The following PRMT2 variants were observed in gnomAD, a reference collection of about 807,000 sequenced individuals.
PRMT2 encodes protein arginine methyltransferase 2.
Under a neutral mutation model 57.6 loss-of-function variants are expected in PRMT2, and 26 were observed. The ratio of observed to expected loss-of-function variants is 0.45; its 90% confidence interval spans 0.33 to 0.63. The LOEUF (loss-of-function observed/expected upper bound fraction) is 0.63, where lower values mean the gene tolerates loss of function less well. PRMT2 is among the 20% of genes least tolerant of loss of function. The pLI is 0.02. For missense variants in PRMT2, 472 were observed against 564.4 expected (o/e 0.84, Z 1.66); for synonymous variants, 219 against 220.0 (o/e 1.00, Z 0.04).
chr21:46,660,246 T>A, intron 8 of PRMT2: 1 of 829,732 alleles, frequency 1.2e-6, no homozygotes, highest in Non-Finnish European at 1.5e-6. Context: ...TGGCAAACGG[T>A]GACATGCAGG....
intron 7 of PRMT2, among the ~76,000 whole-genome samples, chr21:46,656,375 T>C (rs1225637242): frequency 1.3e-5 from 2 of 152,166 alleles, no homozygotes. Context: ...AACACAAAAA[T>C]GGACTAAGAG....
intron 7 of PRMT2, chr21:46,651,691 A>C: frequency 9.2e-5 from 111 of 1,200,692 alleles, no homozygotes; most frequent in Middle Eastern, 5.5e-4. Flanking sequence ...CGGGGCTGCA[A>C]GAGTTCCTAT....
chr21:46,657,167 G>A lies in PRMT2; in HGVS notation c.655-1578G>A, dbSNP rs546074831. ...AAAAAATCTGATAGTAATACCAACT[G>A]TCATCGAGGATGAGGAACAGCTGAA... On this transcript the variant is annotated intron_variant, in intron 7 of 11. Transcript: ENST00000355680. 2.0e-5 allele frequency: 3 copies of A among 152,284 alleles called. No individual in the cohort carries two copies. The East Asian group carries it at 5.8e-4, about 29-fold the overall frequency. The allele number at this position is 152,284 out of a possible 1,614,324, so 9.4% of individuals were successfully genotyped here.
intron 8 of PRMT2, chr21:46,660,012 G>C: frequency 1.0e-6 from 1 of 984,060 alleles, no homozygotes; most frequent in Non-Finnish European, 1.2e-6. Flanking sequence ...TGCTAAGACA[G>C]GCATATGGGG....
intron 8 of PRMT2, chr21:46,659,327 GAGC>G (rs2061586547): frequency 2.0e-6 from 2 of 991,304 alleles, no homozygotes; most frequent in Non-Finnish European, 2.4e-6. Context: ...GTGGAGAAAT[GAGC>G]AGCAACAATG....
Position 46,663,365 on chromosome 21 carries a change from C to T in PRMT2, c.1098-18C>T, listed in dbSNP as rs751157302. On this transcript the variant is annotated intron_variant, in intron 10 of 11. Coordinates refer to ENST00000355680, the MANE Select transcript of PRMT2 (RefSeq NM_206962.4). ...GCCCTAGCTCAGCCTCCAGGTCACACGCACCCCTGTCTTGCAGCACCACAC... is the reference window on the plus strand; with the variant it reads ...GCCCTAGCTCAGCCTCCAGGTCACATGCACCCCTGTCTTGCAGCACCACAC... 1.2e-5 allele frequency: 20 copies of T among 1,600,062 alleles called. No individual in the cohort carries two copies. Among genetic ancestry groups the T allele is most frequent in the South Asian group, 3.3e-5 (3 of 90,094 alleles).
chr21:46,654,740 C>A, intron 7 of PRMT2: 1 of 176,584 alleles, frequency 5.7e-6, no homozygotes, highest in Non-Finnish European at 1.1e-5. Flanking sequence ...GATTTAAAGT[C>A]TGTCGGAGGA....
At chr21:46,651,509 G>A (rs2061450535) in intron 7 of PRMT2, among the ~76,000 whole-genome samples, 1 of 152,084 alleles carries the variant, frequency 6.6e-6, no homozygotes, top group African/African-American at 2.4e-5. Context: ...GGAGTGCTGG[G>A]GTGAGTCAGA....
intron 8 of PRMT2, chr21:46,659,279 C>T (rs190742941): frequency 1.8e-5 from 18 of 1,016,806 alleles, no homozygotes; most frequent in East Asian, 1.0e-4. Context: ...TCAGCGTCAG[C>T]GACAGACATC....
intron 7 of PRMT2, chr21:46,652,166 T>G: frequency 7.0e-7 from 1 of 1,431,526 alleles, no homozygotes; most frequent in Non-Finnish European, 9.1e-7. Context: ...CACCATCTGC[T>G]AAAATAAACC....
intron 7 of PRMT2, among the ~76,000 whole-genome samples, chr21:46,651,272 G>A (rs550181704): frequency 5.3e-5 from 8 of 152,312 alleles, no homozygotes; most frequent in South Asian, 2.1e-4. Flanking sequence ...GGGGCCTGGC[G>A]TGAGCAGGAC....
intron 7 of PRMT2, chr21:46,651,788 T>G: frequency 6.2e-7 from 1 of 1,612,710 alleles, no homozygotes; most frequent in Non-Finnish European, 8.5e-7. Flanking sequence ...TGTACCCACC[T>G]TCACTTTCCG....
intron 10 of PRMT2, 87 bp from the exon 11 acceptor site, chr21:46,663,296 C>T: frequency 1.5e-6 from 2 of 1,364,284 alleles, no homozygotes; most frequent in Non-Finnish European, 1.0e-6. Context: ...GGGGCGAGAG[C>T]CAGTGCGAGC....
chr21:46,663,507 G>A lies in PRMT2; in HGVS notation c.1222G>A (p.Ala408Thr), dbSNP rs140169346. ...NPVWRRHMSV[A>T]LSWAVTSRQD... ...AGTGTGGAGAAGGCACATGTCTGTG[G>A]CTCTGAGCTGGGCTGTCACTTCCAG... Residue 408 changes from alanine (A) to threonine (T), a missense_variant, in exon 11 of 12, where the codon GCT (alanine) becomes ACT (threonine). Physicochemically the swap from Ala to Thr is moderately conservative, Grantham distance 58. Transcript: ENST00000355680. The A allele has an allele frequency of 7.4e-6, 12 of 1,614,066 alleles. No individual in the cohort carries two copies. In the African/African-American group the frequency reaches 1.5e-4, roughly 20 times the overall value.
chr21:46,638,747 T>G (rs2061218876), intron 3 of PRMT2, among the ~76,000 whole-genome samples: 1 of 152,250 alleles, frequency 6.6e-6, no homozygotes, highest in African/African-American at 2.4e-5. Context: ...CACCCTCCAT[T>G]ATAGAAGAGA....
Position 46,653,379 on chromosome 21 carries a change from T to C in PRMT2, c.654+3640T>C, listed in dbSNP as rs554188204. On this transcript the variant is annotated intron_variant, in intron 7 of 11. Transcript: ENST00000355680. ...GACTTCGGATGTATTTAAGGCTGTT[T>C]GCACATATTTATAGAATGTGTGGTG... The C allele has an allele frequency of 8.5e-5, 84 of 985,450 alleles. 1 individual carries two copies. The South Asian group carries it at 3.0e-3, about 35-fold the overall frequency. The allele number at this position is 985,450 out of a possible 1,614,324, so 61.0% of individuals were successfully genotyped here.
In PRMT2 at chr21:46,644,506, C is replaced by T; in HGVS notation, c.327+18C>T. ...GAACTCTGGTATTGCTTTCTAAATT[C>T]CCTGTTCAGCTGGCCAGGCGGTGGG... On this transcript the variant is annotated intron_variant, in intron 5 of 11. Transcript: ENST00000355680. The T allele has an allele frequency of 6.4e-7, 1 of 1,562,166 alleles. No individual in the cohort carries two copies. The highest frequency in any genetic ancestry group is 1.4e-5 in the African/African-American group (1 of 72,206).
rs1007460204 is a variant in PRMT2, at chr21:46,648,365, G to A, written c.328-93G>A. The A allele has an allele frequency of 3.5e-5, 49 of 1,399,128 alleles. No individual in the cohort carries two copies. The Middle Eastern group carries it at 7.6e-4, about 22-fold the overall frequency. The allele number at this position is 1,399,128 out of a possible 1,614,324, so 86.7% of individuals were successfully genotyped here. On this transcript the variant is annotated intron_variant, in intron 5 of 11. Transcript: ENST00000355680. This position sits in a 1 kb window ranked among gnomAD's most constrained non-coding sequence, Gnocchi z 4.8. Reference sequence around the variant, plus strand: ...TTCCATAGGGGTGTTGGGGTCAGGGGTCATCAGCTGTGGCTCTGACCCTCC... The same window carrying A: ...TTCCATAGGGGTGTTGGGGTCAGGGATCATCAGCTGTGGCTCTGACCCTCC...
chr21:46,637,866 A>G (rs2061203166), intron 3 of PRMT2, among the ~76,000 whole-genome samples: 2 of 152,122 alleles, frequency 1.3e-5, no homozygotes, highest in African/African-American at 4.8e-5. Context: ...AAGCAGGAGA[A>G]TCACTTGGGG....
Sources: gnomAD v4.1 joint callset for allele counts (sites outside exome capture counted in the v4.1 genomes callset) on GRCh38, gnomAD v4.1.1 for gene constraint, Gnocchi (gnomAD v3.1) non-coding constraint, MANE v1.5 for transcripts, NCBI Gene and HGNC (gene_info 2026-07-23, HGNC 2026-07-21) for gene names.